EVL: variants seen among roughly 807,000 people sequenced by gnomAD.
EVL encodes the protein ena/VASP-like protein.
In EVL, 21 loss-of-function variants were observed where a neutral mutation model predicts 59.6. The ratio of observed to expected loss-of-function variants is 0.35; its 90% CI spans 0.25 to 0.51. The LOEUF (loss-of-function observed/expected upper bound fraction) is 0.51, where lower values mean the gene tolerates loss of function less well. Ranked by LOEUF, EVL falls within the 20% of genes least tolerant of loss-of-function variation. The pLI, the probability that EVL is intolerant of heterozygous loss-of-function variation, is 0.97. For missense variants in EVL, 462 were observed against 546.6 expected, an observed-to-expected ratio of 0.85 and a Z score of 1.54; for synonymous variants, 198 against 203.5, an observed-to-expected ratio of 0.97 and a Z score of 0.23.
rs2060739347 is a variant in EVL, at chr14:99,972,312, G to A, written c.5+255G>A. On this transcript the variant is annotated intron_variant, in intron 1 of 13. Transcript: ENST00000402714. This position sits in a 1 kb window ranked among gnomAD's most constrained non-coding sequence, Gnocchi z 4.4. ...GGCAGTGTTCTGCAAGGGGCAGGCGGCGCTGGCTTTGGCTGCTTGTGGGGT... is the reference window on the plus strand; with the variant it reads ...GGCAGTGTTCTGCAAGGGGCAGGCGACGCTGGCTTTGGCTGCTTGTGGGGT... Among the ~76,000 whole-genome samples the A allele has an allele frequency of 6.6e-6, 1 of 152,146 alleles. No individual in the cohort carries two copies. Among genetic ancestry groups the A allele is most frequent in the Non-Finnish European group, 1.5e-5 (1 of 68,018 alleles).
chr14:100,054,379 T>C (rs1469419298), intron 1 of EVL, among the ~76,000 whole-genome samples: 4 of 152,246 alleles, frequency 2.6e-5, no homozygotes, highest in East Asian at 3.9e-4. Flanking sequence ...TACGCGGCCA[T>C]GTTGGCTGGG....
At chr14:100,062,206 G>GTA (rs762415775), upstream of EVL, among the ~76,000 whole-genome samples, 12 of 47,948 alleles carry the variant, frequency 2.5e-4, no homozygotes, top group East Asian at 1.4e-3. Context: ...TCAGCTGTGT[G>GTA]TATATATATA....
intron 1 of EVL, among the ~76,000 whole-genome samples, chr14:100,012,607 A>G (rs963796246): frequency 6.6e-6 from 1 of 152,236 alleles, no homozygotes; most frequent in Non-Finnish European, 1.5e-5. Context: ...CTCTAAGTCC[A>G]CAAACCATTG....
intron 2 of EVL, among the ~76,000 whole-genome samples, chr14:100,090,383 A>G (rs1197007146): frequency 1.3e-5 from 2 of 152,212 alleles, no homozygotes; most frequent in Non-Finnish European, 2.9e-5. Context: ...AGAAGAAACA[A>G]TGCCAGTCTT....
At chr14:100,084,901 C>G in intron 2 of EVL, 46 bp downstream of exon 2, 1 of 1,597,196 alleles carries the variant, frequency 6.3e-7, no homozygotes, top group Non-Finnish European at 8.6e-7. Flanking sequence ...TGCGCACCAC[C>G]TCCTCACCGC....
intron 1 of EVL, among the ~76,000 whole-genome samples, chr14:99,989,153 G>C (rs1294352065): frequency 6.6e-6 from 1 of 152,052 alleles, no homozygotes; most frequent in Non-Finnish European, 1.5e-5. Flanking sequence ...TCCCAGACTT[G>C]TCTTTTTTCA....
At chr14:100,134,691 A>G (rs1888656252) in intron 8 of EVL, 1 of 152,224 alleles carries the variant, frequency 6.6e-6, no homozygotes. Flanking sequence ...GAGAAGAAAG[A>G]AGGCTTATTT....
chr14:100,092,002 GC>G (rs1425158161), intron 2 of EVL, among the ~76,000 whole-genome samples: 1 of 152,124 alleles, frequency 6.6e-6, no homozygotes, highest in Non-Finnish European at 1.5e-5. Context: ...ACTTTGGGAG[GC>G]CGAGGCAGGA....
At chr14:100,116,993 G>A (rs7159195) in intron 3 of EVL, among the ~76,000 whole-genome samples, 122,497 of 152,156 alleles carry the variant, frequency 0.81, 49,647 homozygotes, top group African/African-American at 0.9. Context: ...AACCGTCCAG[G>A]AGAGCACAGC....
At chr14:100,005,700 A>C (rs760961609) in intron 1 of EVL, among the ~76,000 whole-genome samples, 23 of 151,640 alleles carry the variant, frequency 1.5e-4, no homozygotes, top group Non-Finnish European at 2.6e-4. Context: ...AATTAAACTG[A>C]CTTTTAACCA....
chr14:100,011,235 A>C (rs1266688729), intron 1 of EVL, among the ~76,000 whole-genome samples: 1 of 152,196 alleles, frequency 6.6e-6, no homozygotes, highest in Non-Finnish European at 1.5e-5. Context: ...TTTCAGTGTC[A>C]CTCAAAAGCA....
rs572994053 is a variant in EVL, at chr14:100,038,004, T to C, written c.6-46683T>C. Among the ~76,000 whole-genome samples, 8 of 152,306 alleles carry C rather than the reference T, an allele frequency of 5.3e-5. No individual in the cohort carries two copies. In the South Asian group the frequency reaches 1.5e-3, roughly 28 times the overall value. ...CACCTAGACAGGGTCAGAGCTTGGT[T>C]GTGATCACCAGGTTAGTTAGCAACA... On this transcript the variant is annotated intron_variant, in intron 1 of 13. Coordinates refer to the EVL transcript ENST00000402714.
intron 2 of EVL, among the ~76,000 whole-genome samples, chr14:100,091,252 C>T (rs778873421): frequency 6.6e-6 from 1 of 152,086 alleles, no homozygotes. Context: ...CTGGTCTTAA[C>T]GAAATTCCCT....
chr14:100,048,697 T>C (rs1348892633), intron 1 of EVL, among the ~76,000 whole-genome samples: 1 of 152,160 alleles, frequency 6.6e-6, no homozygotes, highest in African/African-American at 2.4e-5. Flanking sequence ...TTTGATTAAA[T>C]GGATAAACAA....
chr14:100,129,768 C>T (rs961520232), intron 7 of EVL, 84 bp downstream of exon 7: 2 of 1,430,816 alleles, frequency 1.4e-6, no homozygotes, highest in African/African-American at 2.9e-5. Flanking sequence ...AGAATCCTCT[C>T]TTGACCCCAG....
At chr14:100,055,791 G>GTCTTTTT (rs1240661101) in intron 1 of EVL, among the ~76,000 whole-genome samples, 2 of 135,918 alleles carry the variant, frequency 1.5e-5, no homozygotes, top group South Asian at 2.1e-4. Context: ...TTACGTTGTT[G>GTCTTTTT]TCTTTTTTCT....
intron 1 of EVL, among the ~76,000 whole-genome samples, chr14:100,072,764 A>G (rs56845134): frequency 0.13 from 19,560 of 152,176 alleles, 2,613 homozygotes; most frequent in African/African-American, 0.34. Flanking sequence ...AGTGTCCCTT[A>G]CATGTTCCTG....
At chr14:100,066,298 T>A (rs2061928956) in intron 1 of EVL, 1 of 152,244 alleles carries the variant, frequency 6.6e-6, no homozygotes, top group Non-Finnish European at 1.5e-5. Context: ...ATTTGAATCT[T>A]TTAGCCGTGT....
At chr14:100,068,384 T>C (rs747474349) in intron 1 of EVL, among the ~76,000 whole-genome samples, 15 of 152,228 alleles carry the variant, frequency 9.9e-5, no homozygotes, top group Non-Finnish European at 2.2e-4. Flanking sequence ...CTGCGAGCTG[T>C]GCTGAATTTA....
Sources: gnomAD v4.1 joint callset for allele counts (sites outside exome capture counted in the v4.1 genomes callset) on GRCh38, gnomAD v4.1.1 for gene constraint, Gnocchi (gnomAD v3.1) non-coding constraint, MANE v1.5 for transcripts, NCBI Gene and HGNC (gene_info 2026-07-23, HGNC 2026-07-21) for gene names.